Variants in MYCBPAP observed in about 807,000 individuals in gnomAD.
MYCBPAP encodes MYCBP-associated protein.
In MYCBPAP, 60 loss-of-function variants were observed where a neutral mutation model predicts 106.1. That is an observed-to-expected ratio of 0.57 (90% confidence interval 0.46 to 0.70). MYCBPAP has a LOEUF of 0.70. Ranked by LOEUF, MYCBPAP falls within the 30% of genes least tolerant of loss-of-function variation. The probability of loss-of-function intolerance (pLI) is 0.00; values close to 1 mark genes in which losing one functional copy is unlikely to be tolerated. For missense variants in MYCBPAP, 1,064 were observed against 1,169.3 expected, an observed-to-expected ratio of 0.91 and a Z score of 1.31; for synonymous variants, 407 against 440.6, an observed-to-expected ratio of 0.92 and a Z score of 0.95.
At chr17:50,521,076 A>G (rs2034240136) in intron 7 of MYCBPAP, 34 bp from the exon 8 acceptor site, 2 of 1,561,192 alleles carry the variant, frequency 1.3e-6, no homozygotes, top group Non-Finnish European at 1.8e-6. Context: ...ACATGGCAGC[A>G]GCCTGTGCTG....
chr17:50,511,948 C>T (rs2033865025), intron 1 of MYCBPAP, among the ~76,000 whole-genome samples: 2 of 152,148 alleles, frequency 1.3e-5, no homozygotes, highest in African/African-American at 4.8e-5. Context: ...ACTCACTCCC[C>T]TGAACCAAAG....
At position 50,516,668 on chromosome 17, in the gene MYCBPAP, T is replaced by C. The variant is rs1332059510; in HGVS notation, c.175T>C (p.Leu59=). Residue 59 remains leucine, a synonymous_variant, in exon 2 of 19, where the codon TTG becomes CTG. Transcript: ENST00000323776. The part of the protein sequence containing the change: ...NVLQGDDILA[L]AIKKEDLKEQ... ...CCTACAAGGAGATGACATTCTTGCCTTGGCCATTAAGAAGGAAGACTTGAA... is the reference window on the plus strand; with the variant it reads ...CCTACAAGGAGATGACATTCTTGCCCTGGCCATTAAGAAGGAAGACTTGAA... 1 of 1,613,952 alleles carries C rather than the reference T, an allele frequency of 6.2e-7. No homozygotes were observed. Among genetic ancestry groups the C allele is most frequent in the Non-Finnish European group, 8.5e-7 (1 of 1,179,982 alleles).
intron 13 of MYCBPAP, among the ~76,000 whole-genome samples, chr17:50,525,660 T>TC (rs1555621573): frequency 3.5e-4 from 5 of 14,230 alleles, no homozygotes; most frequent in African/African-American, 2.4e-3. Flanking sequence ...CTAATTTCTC[T>TC]TTTTTTTTTT....
At chr17:50,514,073 A>G (rs1194627739) in intron 1 of MYCBPAP, among the ~76,000 whole-genome samples, 2 of 152,218 alleles carry the variant, frequency 1.3e-5, no homozygotes, top group African/African-American at 4.8e-5. Context: ...AATTATTTTT[A>G]AGGATAGGTT....
At position 50,524,817 on chromosome 17, in the gene MYCBPAP, G is replaced by T. The variant is rs553277378; in HGVS notation, c.1636-60G>T. On this transcript the variant is annotated intron_variant, in intron 12 of 18. Coordinates refer to ENST00000323776, the MANE Select transcript of MYCBPAP (RefSeq NM_032133.6). ...AAAGTCCTGGGGGCTCCAACTTCCT[G>T]AAGGATGCATTGGTTTTGATAGCCT... 28 of 1,577,812 alleles carry T rather than the reference G, an allele frequency of 1.8e-5. No homozygotes were observed. In the South Asian group the frequency reaches 2.5e-4, roughly 14 times the overall value.
At chr17:50,521,925 A>G in intron 9 of MYCBPAP, 48 bp from the exon 10 acceptor site, 1 of 1,565,342 alleles carries the variant, frequency 6.4e-7, no homozygotes, top group Non-Finnish European at 8.8e-7. Context: ...TCCACATGGC[A>G]TGACTGTGGC....
upstream of MYCBPAP, chr17:50,508,438 C>A: frequency 9.1e-7 from 1 of 1,094,854 alleles, no homozygotes; most frequent in Non-Finnish European, 1.3e-6. Flanking sequence ...GCCGGGCCCG[C>A]AGGGCTTTCT....
chr17:50,524,611 A>G (rs1228724373), intron 12 of MYCBPAP, among the ~76,000 whole-genome samples: 3 of 152,132 alleles, frequency 2.0e-5, no homozygotes, highest in East Asian at 1.9e-4. Flanking sequence ...AGGCAGCAGC[A>G]GCTGTCACTG....
rs1457021917 is a variant in MYCBPAP at position 50,527,220 on chromosome 17, C to T, written c.2170-67C>T. On this transcript the variant is annotated intron_variant, in intron 14 of 18. Transcript: ENST00000323776. ...TCCCCTGCCACCCATCCCCACATCA[C>T]CATGCCCTTCACTAGAGGACACAGC... 3.1e-6 allele frequency: 5 copies of T among 1,598,516 alleles called. No homozygotes were observed. In the South Asian group the frequency reaches 5.6e-5, roughly 18 times the overall value.
chr17:50,510,504 T>TGTGTGC (rs1567879220), intron 1 of MYCBPAP: 2 of 93,550 alleles, frequency 2.1e-5, no homozygotes, highest in African/African-American at 1.3e-4. Context: ...TGTGTGTATA[T>TGTGTGC]ATATATATAT....
chr17:50,530,787 C>T (rs549932998), intron 18 of MYCBPAP, among the ~76,000 whole-genome samples: 22 of 152,234 alleles, frequency 1.4e-4, no homozygotes, highest in African/African-American at 2.2e-4. Context: ...CCACCCCAAA[C>T]GGCTAAATGG....
chr17:50,522,922 G>A lies in MYCBPAP; in HGVS notation c.1258-17G>A. On this transcript the variant is annotated splice_polypyrimidine_tract_variant and intron_variant, in intron 10 of 18. Transcript: ENST00000323776. ...AGGGTTTGCAGCAAAGACATTTCTT[G>A]TCCCTCCTCCTTCCAGAGGCAGGTT... 6.2e-7 allele frequency: 1 copy of A among 1,602,892 alleles called. No homozygotes were observed. The highest frequency in any genetic ancestry group is 8.5e-7 in the Non-Finnish European group (1 of 1,171,370).
Position 50,529,109 on chromosome 17 carries a change from C to G in MYCBPAP, c.2645C>G (p.Thr882Ser). The G allele has an allele frequency of 6.2e-7, 1 of 1,614,086 alleles. No individual in the cohort carries two copies. Among genetic ancestry groups the G allele is most frequent in the Non-Finnish European group, 8.5e-7 (1 of 1,180,024 alleles). ...SQDRFSLEDP[T>S]PDIILSSQEP... Reference sequence around the variant, plus strand: ...GACAGGTTTTCTTTGGAAGACCCTACCCCTGACATCATCCTCTCTTCTCAA... The same window carrying G: ...GACAGGTTTTCTTTGGAAGACCCTAGCCCTGACATCATCCTCTCTTCTCAA... The change falls in exon 18 of 19, where the codon ACC (threonine) becomes AGC (serine). Residue 882 changes from threonine to serine, a missense_variant. Coordinates refer to ENST00000323776, the MANE Select transcript of MYCBPAP (RefSeq NM_032133.6).
chr17:50,518,547 G>C lies in MYCBPAP; in HGVS notation c.475G>C (p.Glu159Gln), dbSNP rs373693763. Residue 159 changes from glutamate (E) to glutamine (Q), a missense_variant, in exon 5 of 19, where the codon GAG becomes CAG. Coordinates refer to ENST00000323776, the MANE Select transcript of MYCBPAP (RefSeq NM_032133.6). The stretch of plus-strand genomic sequence containing the variant: ...CCTATGTTGTACTTTTCAGCTGGCT[G>C]AGCGGATACCTACCTCACCCTGTCT... ...ALARGNTQLA[E>Q]RIPTSPCLMT... is the part of the protein sequence containing the mutation. 1.3e-6 allele frequency: 2 copies of C among 1,574,296 alleles called. No homozygotes were observed. The highest frequency in any genetic ancestry group is 1.9e-5 in the Admixed American group (1 of 51,648).
chr17:50,526,345 C>T (rs752839742), intron 14 of MYCBPAP, 78 bp downstream of exon 14: 2 of 1,457,264 alleles, frequency 1.4e-6, no homozygotes, highest in Non-Finnish European at 1.8e-6. Flanking sequence ...AGCAGCCCCT[C>T]TTGCTCTATG....
intron 7 of MYCBPAP, chr17:50,520,008 A>G (rs1471477627): frequency 1.1e-5 from 6 of 530,322 alleles, no homozygotes; most frequent in Non-Finnish European, 1.7e-5. Flanking sequence ...GAGTGCAGCC[A>G]TAGAGCTGCC....
Position 50,521,208 on chromosome 17 carries a change from C to G in MYCBPAP, c.1015C>G (p.Leu339Val), listed in dbSNP as rs148826234. ...GGAGCTGCAGAGAATCATGGAAGAG[C>G]TGGATTTCAGCCAGCAGGTTGGTAT... ...RKELQRIMEELDFSQQDIDGL... is the reference protein window; with the variant it reads ...RKELQRIMEEVDFSQQDIDGL... Residue 339 changes from leucine (L) to valine (V), a missense_variant, in exon 8 of 19, where the codon CTG (leucine) becomes GTG (valine). Coordinates refer to ENST00000323776, the MANE Select transcript of MYCBPAP (RefSeq NM_032133.6). The G allele has an allele frequency of 2.3e-4, 373 of 1,612,674 alleles. 2 individuals carry two copies. In the African/African-American group the frequency reaches 4.4e-3, roughly 19 times the overall value.
chr17:50,524,739 A>AGAGT, intron 12 of MYCBPAP, 138 bp from the exon 13 acceptor site: 1 of 238,326 alleles, frequency 4.2e-6, no homozygotes. Flanking sequence ...TGTGTGTGTG[A>AGAGT]GAGAGAGAGA....
chr17:50,511,033 T>G (rs913443465), intron 1 of MYCBPAP, among the ~76,000 whole-genome samples: 1 of 144,088 alleles, frequency 6.9e-6, no homozygotes, highest in African/African-American at 2.7e-5. Flanking sequence ...AACCCTTGAG[T>G]TAAGAACATG....
Sources: allele counts gnomAD v4.1 joint callset (sites outside exome capture counted in the v4.1 genomes callset), GRCh38; gene constraint gnomAD v4.1.1; transcripts MANE v1.5; gene names NCBI Gene and HGNC (gene_info 2026-07-23, HGNC 2026-07-21).